Variants in SLC1A3 observed in about 807,000 individuals in gnomAD.
The protein encoded by SLC1A3 is excitatory amino acid transporter 1.
SLC1A3 carries 21 observed loss-of-function variants against 48.1 expected under a neutral mutation model. The observed-to-expected ratio is 0.44, with a 90% CI of 0.31 to 0.63. The LOEUF (loss-of-function observed/expected upper bound fraction) is 0.63, where lower values mean the gene tolerates loss of function less well. SLC1A3 is among the 20% of genes least tolerant of loss of function. The pLI, the probability that SLC1A3 is intolerant of heterozygous loss-of-function variation, is 0.08. For missense variants in SLC1A3, 546 were observed against 689.0 expected, an observed-to-expected ratio of 0.79 and a Z score of 2.32; for synonymous variants, 239 against 251.4, an observed-to-expected ratio of 0.95 and a Z score of 0.47.
At chr5:36,603,049 T>G (rs1394802408), upstream of SLC1A3, among the ~76,000 whole-genome samples, 2 of 152,240 alleles carry the variant, frequency 1.3e-5, no homozygotes, top group Non-Finnish European at 2.9e-5. Context: ...ACCCAAGTCT[T>G]AGTCACTTCA....
chr5:36,659,699 T>G (rs999836503), intron 3 of SLC1A3, among the ~76,000 whole-genome samples: 2 of 152,210 alleles, frequency 1.3e-5, no homozygotes, highest in African/African-American at 4.8e-5. Context: ...TAATTTGATG[T>G]GTTTTATTTG....
At chr5:36,675,522 G>T (rs535173823) in intron 5 of SLC1A3, among the ~76,000 whole-genome samples, 1 of 152,166 alleles carries the variant, frequency 6.6e-6, no homozygotes, top group Non-Finnish European at 1.5e-5. Context: ...TTTCTCCCCA[G>T]GTCTAGTTGG....
At chr5:36,646,602 C>T (rs1325331507) in intron 3 of SLC1A3, among the ~76,000 whole-genome samples, 1 of 152,312 alleles carries the variant, frequency 6.6e-6, no homozygotes, top group East Asian at 1.9e-4. Flanking sequence ...AGTGCGTCTC[C>T]ATTTTGATGA....
chr5:36,603,959 G>A (rs1212512672), upstream of SLC1A3, among the ~76,000 whole-genome samples: 1 of 152,126 alleles, frequency 6.6e-6, no homozygotes, highest in Non-Finnish European at 1.5e-5. Context: ...ATTTTGAATG[G>A]TGAAGTTTGA....
At chr5:36,672,929 T>A (rs778036501) in intron 4 of SLC1A3, among the ~76,000 whole-genome samples, 10 of 152,224 alleles carry the variant, frequency 6.6e-5, no homozygotes, top group Non-Finnish European at 1.5e-4. Context: ...TACATTTTCT[T>A]TCCCTGTAAT....
intron 3 of SLC1A3, among the ~76,000 whole-genome samples, chr5:36,655,274 CTCTT>C (rs1385413461): frequency 1.3e-5 from 2 of 152,150 alleles, no homozygotes; most frequent in Non-Finnish European, 2.9e-5. Flanking sequence ...TGTAAGGTCT[CTCTT>C]TGCACTTGCA....
chr5:36,602,909 A>C (rs538445406), upstream of SLC1A3, among the ~76,000 whole-genome samples: 6 of 152,334 alleles, frequency 3.9e-5, no homozygotes, highest in East Asian at 1.2e-3. Flanking sequence ...CTCCACCTAC[A>C]GGAGGCAGCC....
chr5:36,662,119 A>T (rs1033409248), intron 3 of SLC1A3, among the ~76,000 whole-genome samples: 1 of 152,210 alleles, frequency 6.6e-6, no homozygotes, highest in Non-Finnish European at 1.5e-5. Flanking sequence ...ACTTCCTCTC[A>T]TTAAACCAAA....
intron 5 of SLC1A3, 93 bp downstream of exon 5, chr5:36,674,184 T>C (rs1289850879): frequency 2.0e-6 from 2 of 986,384 alleles, no homozygotes; most frequent in Non-Finnish European, 3.2e-6. Flanking sequence ...ATTTCTCTGC[T>C]ATAAGAAACA....
chr5:36,663,551 T>C (rs557518658), intron 3 of SLC1A3, among the ~76,000 whole-genome samples: 1 of 152,162 alleles, frequency 6.6e-6, no homozygotes, highest in South Asian at 2.1e-4. Flanking sequence ...CTGCACTTAG[T>C]TTTCTTAAGG....
intron 3 of SLC1A3, among the ~76,000 whole-genome samples, chr5:36,635,224 C>A (rs1240264012): frequency 6.6e-6 from 1 of 151,882 alleles, no homozygotes; most frequent in Non-Finnish European, 1.5e-5. Flanking sequence ...TTTAGGCTTC[C>A]CTTTCATTCT....
intron 3 of SLC1A3, among the ~76,000 whole-genome samples, chr5:36,666,880 T>C (rs550565679): frequency 6.6e-6 from 1 of 152,212 alleles, no homozygotes; most frequent in Non-Finnish European, 1.5e-5. Flanking sequence ...GACAAATCAA[T>C]TGCCAAAAGA....
chr5:36,659,991 C>T (rs1160594579), intron 3 of SLC1A3, among the ~76,000 whole-genome samples: 2 of 152,162 alleles, frequency 1.3e-5, no homozygotes, highest in African/African-American at 4.8e-5. Context: ...TTGTTTTGTA[C>T]CTGGCTTCTC....
chr5:36,683,982 G>A lies in SLC1A3; in HGVS notation c.1408G>A (p.Ala470Thr), dbSNP rs750317354. 17 of 1,614,152 alleles carry A rather than the reference G, an allele frequency of 1.1e-5. No homozygotes were observed. The highest frequency in any genetic ancestry group is 1.6e-4 in the Middle Eastern group (1 of 6,062). ...LPTDDITLII[A>T]VDWFLDRLRT... Reference sequence around the variant, plus strand: ...CACTGACGACATCACGCTCATCATCGCGGTGGACTGGTTCCTGTGAGTATG... The same window carrying A: ...CACTGACGACATCACGCTCATCATCACGGTGGACTGGTTCCTGTGAGTATG... Residue 470 changes from alanine to threonine, a missense_variant, in exon 9 of 10, where the codon GCG becomes ACG. This residue lies in a region of SLC1A3 where 142 missense variants were observed against 238.0 expected (regional missense o/e 0.60). Transcript: ENST00000265113.
upstream of SLC1A3, among the ~76,000 whole-genome samples, chr5:36,605,359 T>C (rs1738890904): frequency 6.6e-6 from 1 of 152,222 alleles, no homozygotes; most frequent in South Asian, 2.1e-4. Context: ...CAGTAAGTTC[T>C]TAAAATGATA....
In SLC1A3 at chr5:36,683,901, A is replaced by G. The variant is rs768904432; in HGVS notation, c.1327A>G (p.Ile443Val). Reference sequence around the variant, plus strand: ...AGCTGCCAGTATTGGGGCAGCTGGAATTCCTCAGGCGGGCCTGGTCACTAT... The same window carrying G: ...AGCTGCCAGTATTGGGGCAGCTGGAGTTCCTCAGGCGGGCCTGGTCACTAT... ...ATAASIGAAG[I>V]PQAGLVTMVI... is the part of the protein sequence containing the mutation. The change falls in exon 9 of 10, where the codon ATT (isoleucine) becomes GTT (valine). Residue 443 changes from isoleucine to valine, a missense_variant. This residue lies in a region of SLC1A3 where 142 missense variants were observed against 238.0 expected (regional missense o/e 0.60). Coordinates refer to ENST00000265113, the MANE Select transcript of SLC1A3 (RefSeq NM_004172.5). 6.2e-7 allele frequency: 1 copy of G among 1,614,182 alleles called. No homozygotes were observed. The highest frequency in any genetic ancestry group is 8.5e-7 in the Non-Finnish European group (1 of 1,180,016).
intron 2 of SLC1A3, among the ~76,000 whole-genome samples, chr5:36,617,125 A>G (rs539950912): frequency 5.8e-4 from 88 of 152,314 alleles, no homozygotes; most frequent in African/African-American, 1.9e-3. Flanking sequence ...ACATGAGCCT[A>G]TAATGATTGA....
chr5:36,597,233 CTTTTTTTTTTTTTTTTTTT>C (rs70976237), intron 1 of SLC1A3, among the ~76,000 whole-genome samples: 3 of 46,086 alleles, frequency 6.5e-5, no homozygotes, highest in African/African-American at 9.6e-5. Flanking sequence ...TTCTTCCTTT[CTTTTTTTTTTTTTTTTTTT>C]TTTTTTTTTT....
intron 3 of SLC1A3, chr5:36,669,321 T>C (rs576357289): frequency 2.1e-4 from 32 of 152,324 alleles, no homozygotes; most frequent in African/African-American, 7.7e-4. Context: ...GATTAGCCCA[T>C]TTTTAACATA....
Sources: gnomAD v4.1 joint callset for allele counts (sites outside exome capture counted in the v4.1 genomes callset) on GRCh38, gnomAD v4.1.1 for gene constraint, gnomAD v4.1.1 regional missense constraint, MANE v1.5 for transcripts, NCBI Gene and HGNC (gene_info 2026-07-23, HGNC 2026-07-21) for gene names.